TMTC1: variants seen among roughly 807,000 people sequenced by gnomAD.
TMTC1 encodes the protein transmembrane O-mannosyltransferase targeting cadherins 1.
In TMTC1, 73 loss-of-function variants were observed where a neutral mutation model predicts 104.8. The ratio of observed to expected loss-of-function variants is 0.70; its 90% CI spans 0.58 to 0.85. The LOEUF is 0.85. Ranked by LOEUF, TMTC1 falls within the 40% of genes least tolerant of loss-of-function variation. The pLI, the probability that TMTC1 is intolerant of heterozygous loss-of-function variation, is 0.00. For synonymous variants in TMTC1, 434 were observed against 428.7 expected (o/e 1.01, Z -0.15); for missense variants, 1,035 against 1,096.1 (o/e 0.94, Z 0.79).
At chr12:29,580,389 A>G (rs771724602) in intron 8 of TMTC1, among the ~76,000 whole-genome samples, 3 of 152,192 alleles carry the variant, frequency 2.0e-5, no homozygotes, top group Non-Finnish European at 4.4e-5. Context: ...TCTCCTAAAA[A>G]TACATCACAC....
At chr12:29,657,583 A>G (rs1292066723) in intron 5 of TMTC1, among the ~76,000 whole-genome samples, 1 of 180 alleles carries the variant, frequency 5.6e-3, no homozygotes, top group African/African-American at 6.6e-3. Context: ...TTTGTTTGAT[A>G]CAAACACGTT....
At chr12:29,644,150 T>TAC (rs1939160041) in intron 5 of TMTC1, among the ~76,000 whole-genome samples, 1 of 47,428 alleles carries the variant, frequency 2.1e-5, no homozygotes, top group Non-Finnish European at 4.5e-5. Flanking sequence ...TGTGTGTGTG[T>TAC]ATATATATAT....
intron 5 of TMTC1, among the ~76,000 whole-genome samples, chr12:29,673,676 T>G (rs1180326748): frequency 6.6e-6 from 1 of 151,144 alleles, no homozygotes; most frequent in Non-Finnish European, 1.5e-5. Flanking sequence ...GAAGATAATT[T>G]TATAACATTG....
chr12:29,562,606 G>A (rs1217126376), intron 9 of TMTC1, among the ~76,000 whole-genome samples: 1 of 152,176 alleles, frequency 6.6e-6, no homozygotes, highest in Non-Finnish European at 1.5e-5. Flanking sequence ...TGCTTTGGTG[G>A]AGTGGAAAAA....
At chr12:29,725,627 G>C (rs1056406770) in intron 5 of TMTC1, among the ~76,000 whole-genome samples, 1 of 152,148 alleles carries the variant, frequency 6.6e-6, no homozygotes, top group African/African-American at 2.4e-5. Context: ...AATGACAAAA[G>C]TCCTGTAAAA....
chr12:29,583,721 C>G (rs1946048301), intron 7 of TMTC1, 147 bp from the exon 8 acceptor site: 1 of 671,946 alleles, frequency 1.5e-6, no homozygotes, highest in African/African-American at 1.8e-5. Context: ...ACAATATTAA[C>G]ATGTTAGTTC....
chr12:29,720,137 T>C (rs1942196503), intron 5 of TMTC1, among the ~76,000 whole-genome samples: 1 of 152,248 alleles, frequency 6.6e-6, no homozygotes, highest in African/African-American at 2.4e-5. Context: ...CATAATGCTA[T>C]CATGTTTGAA....
chr12:29,512,468 G>A (rs1312525581), intron 16 of TMTC1, among the ~76,000 whole-genome samples: 1 of 152,104 alleles, frequency 6.6e-6, no homozygotes, highest in Admixed American at 6.5e-5. Flanking sequence ...AAATGGAATT[G>A]GTAAGAAAAT....
intron 11 of TMTC1, chr12:29,532,515 A>G (rs1944532920): frequency 6.6e-6 from 1 of 152,210 alleles, no homozygotes; most frequent in Admixed American, 6.5e-5. Context: ...ATCAGTAAGC[A>G]GCCATTTAAG....
intron 6 of TMTC1, among the ~76,000 whole-genome samples, chr12:29,617,940 T>G (rs1308148260): frequency 1.3e-5 from 2 of 152,088 alleles, no homozygotes; most frequent in African/African-American, 4.8e-5. Flanking sequence ...TGACTTACAT[T>G]TTAAAGTAAT....
chr12:29,529,629 A>G (rs955850812), intron 11 of TMTC1, among the ~76,000 whole-genome samples: 1 of 152,206 alleles, frequency 6.6e-6, no homozygotes, highest in African/African-American at 2.4e-5. Context: ...TTCAAGACAC[A>G]GCAGCCCAAA....
rs1036771948 is a variant in TMTC1, at chr12:29,772,545, C to G, written c.303-4470G>C. Among the ~76,000 whole-genome samples the G allele has an allele frequency of 5.7e-4, 87 of 152,180 alleles. 3 individuals carry two copies. Among genetic ancestry groups the G allele is most frequent in the Non-Finnish European group, 4.4e-5 (3 of 68,038 alleles). On this transcript the variant is annotated intron_variant, in intron 1 of 17. Coordinates refer to ENST00000539277, the MANE Select transcript of TMTC1 (RefSeq NM_001193451.2). The stretch of plus-strand genomic sequence containing the variant: ...TATTACAACATAACCTCACATCCAG[C>G]TCACTTCACTCACTCTAAGATCAGC...
intron 10 of TMTC1, among the ~76,000 whole-genome samples, chr12:29,542,785 C>A (rs1235587974): frequency 1.3e-5 from 2 of 151,884 alleles, no homozygotes; most frequent in Non-Finnish European, 2.9e-5. Flanking sequence ...GTTAATTTGC[C>A]CCATGAAAGA....
At chr12:29,552,484 T>C (rs1945132005) in intron 10 of TMTC1, among the ~76,000 whole-genome samples, 1 of 152,216 alleles carries the variant, frequency 6.6e-6, no homozygotes, top group Non-Finnish European at 1.5e-5. Flanking sequence ...TCATTTCTAC[T>C]GGGCAGTGAT....
At chr12:29,674,015 T>A (rs1028629465) in intron 5 of TMTC1, among the ~76,000 whole-genome samples, 5 of 152,032 alleles carry the variant, frequency 3.3e-5, no homozygotes, top group Non-Finnish European at 7.4e-5. Flanking sequence ...AGCCTCGGCC[T>A]CCCAAAGTGC....
intron 5 of TMTC1, among the ~76,000 whole-genome samples, chr12:29,732,952 A>G (rs1400064464): frequency 6.6e-6 from 1 of 152,186 alleles, no homozygotes; most frequent in African/African-American, 2.4e-5. Flanking sequence ...TCTCACCTCT[A>G]TACTCAGCTG....
At chr12:29,765,534 A>G (rs1250412172) in intron 2 of TMTC1, among the ~76,000 whole-genome samples, 1 of 152,178 alleles carries the variant, frequency 6.6e-6, no homozygotes, top group Admixed American at 6.5e-5. Flanking sequence ...AAAATATACA[A>G]TTAAATCTAT....
At position 29,512,046 on chromosome 12, in the gene TMTC1, G is replaced by A. The variant is rs763628651; in HGVS notation, c.2505C>T (p.Ile835=). Residue 835 remains isoleucine, a synonymous_variant, in exon 17 of 18, where the codon ATC becomes ATT. Transcript: ENST00000539277. The part of the protein sequence containing the change: ...AWMNMGGIQH[I]KGKYVSARAY... ...TGGGAGTGAATTATTCTCCTACCTT[G>A]ATGTGTTGGATGCCACCCATGTTCA... 3.1e-6 allele frequency: 5 copies of A among 1,613,936 alleles called. No homozygotes were observed. The highest frequency in any genetic ancestry group is 3.3e-5 in the Admixed American group (2 of 59,998).
At chr12:29,595,300 C>T (rs159702) in intron 7 of TMTC1, among the ~76,000 whole-genome samples, 106,996 of 152,126 alleles carry the variant, frequency 0.7, 38,457 homozygotes, top group African/African-American at 0.84. Context: ...GCACAACTGA[C>T]TGAGCACAAC....
Sources: allele counts gnomAD v4.1 joint callset (sites outside exome capture counted in the v4.1 genomes callset), GRCh38; gene constraint gnomAD v4.1.1; transcripts MANE v1.5; gene names NCBI Gene and HGNC (gene_info 2026-07-23, HGNC 2026-07-21).